Variants in DCC observed in about 807,000 individuals in gnomAD.
DCC encodes DCC netrin 1 receptor, also known as netrin receptor DCC.
A neutral mutation model predicts 172.5 loss-of-function variants in DCC; 58 were observed. The observed-to-expected ratio is 0.34, with a 90% CI of 0.27 to 0.42. The LOEUF (loss-of-function observed/expected upper bound fraction) is 0.42. Ranked by LOEUF, DCC falls within the 10% of genes least tolerant of loss-of-function variation. The probability of loss-of-function intolerance (pLI) is 1.00; values close to 1 mark genes in which losing one functional copy is unlikely to be tolerated. For synonymous variants in DCC, 709 were observed against 644.5 expected (o/e 1.10, Z -1.52); for missense variants, 1,740 against 1,791.0 (o/e 0.97, Z 0.51).
At chr18:52,544,321 A>G (rs150296332) in intron 1 of DCC, among the ~76,000 whole-genome samples, 1 of 152,298 alleles carries the variant, frequency 6.6e-6, no homozygotes, top group East Asian at 1.9e-4. Context: ...ACCTGGTGAT[A>G]ACTAAATTGA....
chr18:52,741,993 T>C (rs1265705084), intron 1 of DCC, among the ~76,000 whole-genome samples: 1 of 152,094 alleles, frequency 6.6e-6, no homozygotes, highest in African/African-American at 2.4e-5. Flanking sequence ...AGGATTACCT[T>C]TCCTATAAGA....
chr18:52,932,672 T>C (rs1322274757), intron 5 of DCC, among the ~76,000 whole-genome samples: 1 of 152,134 alleles, frequency 6.6e-6, no homozygotes, highest in East Asian at 1.9e-4. Context: ...GTTCTCTCTA[T>C]AGAGCTGAGC....
intron 17 of DCC, among the ~76,000 whole-genome samples, chr18:53,394,768 A>G (rs1410649379): frequency 6.6e-6 from 1 of 152,192 alleles, no homozygotes; most frequent in Non-Finnish European, 1.5e-5. Flanking sequence ...GCCAAACGCT[A>G]TGCTTTACTT....
intron 21 of DCC, 158 bp downstream of exon 21, chr18:53,416,314 C>A (rs1252491751): frequency 2.8e-6 from 2 of 715,824 alleles, no homozygotes; most frequent in Admixed American, 2.0e-5. Context: ...TTCTGCTTGG[C>A]TGAGGCTGCG....
intron 28 of DCC, among the ~76,000 whole-genome samples, chr18:53,528,029 T>A (rs2046478879): frequency 6.6e-6 from 1 of 152,124 alleles, no homozygotes; most frequent in African/African-American, 2.4e-5. Flanking sequence ...AATTTGCAAA[T>A]AATGTATTGA....
chr18:53,499,658 T>C, intron 27 of DCC, 148 bp downstream of exon 27: 3 of 759,198 alleles, frequency 4.0e-6, no homozygotes, highest in Non-Finnish European at 6.9e-6. Context: ...TTACTGATGC[T>C]TGTAGTGTAA....
chr18:52,602,457 A>G (rs1350960584), intron 1 of DCC, among the ~76,000 whole-genome samples: 1 of 146,846 alleles, frequency 6.8e-6, no homozygotes, highest in Non-Finnish European at 1.5e-5. Context: ...TTAAATGCTC[A>G]TTTTTCCCTC....
At chr18:53,269,593 T>A (rs1217664885) in intron 12 of DCC, among the ~76,000 whole-genome samples, 1 of 152,224 alleles carries the variant, frequency 6.6e-6, no homozygotes, top group Non-Finnish European at 1.5e-5. Flanking sequence ...AATCATTGTC[T>A]TTCAAGTACC....
intron 16 of DCC, among the ~76,000 whole-genome samples, chr18:53,389,377 A>T (rs146052121): frequency 1.7e-4 from 26 of 152,294 alleles, no homozygotes; most frequent in African/African-American, 5.8e-4. Context: ...TAATATATGC[A>T]ATATGTATTA....
At chr18:52,647,523 G>A (rs1301150911) in intron 1 of DCC, among the ~76,000 whole-genome samples, 3 of 152,162 alleles carry the variant, frequency 2.0e-5, no homozygotes, top group Non-Finnish European at 4.4e-5. Flanking sequence ...AATCCTTTGA[G>A]TAAGTCTGGA....
chr18:53,268,927 C>T (rs1311998391), intron 12 of DCC, among the ~76,000 whole-genome samples: 3 of 152,082 alleles, frequency 2.0e-5, no homozygotes, highest in Admixed American at 6.5e-5. Context: ...AAGGCAATTG[C>T]TTTTTATAGA....
chr18:52,916,843 T>C (rs944171851), intron 3 of DCC, among the ~76,000 whole-genome samples: 1 of 152,112 alleles, frequency 6.6e-6, no homozygotes, highest in African/African-American at 2.4e-5. Flanking sequence ...AACAGAACAA[T>C]GTCAATGCAG....
At chr18:52,778,350 T>A (rs1213182027) in intron 2 of DCC, among the ~76,000 whole-genome samples, 4 of 152,206 alleles carry the variant, frequency 2.6e-5, no homozygotes, top group Non-Finnish European at 5.9e-5. Flanking sequence ...TCTTGGGGTG[T>A]CTTTAATAAA....
At chr18:52,639,772 T>C (rs946467943) in intron 1 of DCC, among the ~76,000 whole-genome samples, 66 of 152,016 alleles carry the variant, frequency 4.3e-4, no homozygotes, top group Non-Finnish European at 1.5e-4. Flanking sequence ...CACACCAGAA[T>C]CCTACGAGAC....
chr18:52,838,144 G>A (rs2038743076), intron 2 of DCC, among the ~76,000 whole-genome samples: 1 of 151,834 alleles, frequency 6.6e-6, no homozygotes, highest in African/African-American at 2.4e-5. Flanking sequence ...ATATCACTCT[G>A]TTTATTAAAT....
chr18:53,065,075 C>T (rs534761775), intron 6 of DCC, among the ~76,000 whole-genome samples: 2 of 152,212 alleles, frequency 1.3e-5, no homozygotes, highest in South Asian at 4.1e-4. Context: ...TCAACAGCTC[C>T]AGAAATTTGA....
chr18:52,570,313 G>A (rs931218981), intron 1 of DCC, among the ~76,000 whole-genome samples: 9 of 152,106 alleles, frequency 5.9e-5, no homozygotes, highest in African/African-American at 2.2e-4. Flanking sequence ...GCCTTCTTAG[G>A]TGGAAGCAGA....
At chr18:52,362,631 A>G (rs894709211) in intron 1 of DCC, among the ~76,000 whole-genome samples, 1 of 152,106 alleles carries the variant, frequency 6.6e-6, no homozygotes, top group South Asian at 2.1e-4. Flanking sequence ...GTTTTGGGTT[A>G]TTAACTCCTG....
At chr18:52,626,923 G>A in intron 1 of DCC, among the ~76,000 whole-genome samples, 1 of 152,038 alleles carries the variant, frequency 6.6e-6, no homozygotes, top group Non-Finnish European at 1.5e-5. Flanking sequence ...ATCCATGGAG[G>A]GTTCCTTGGT....
Sources: allele counts gnomAD v4.1 joint callset (sites outside exome capture counted in the v4.1 genomes callset), GRCh38; gene constraint gnomAD v4.1.1; transcripts MANE v1.5; gene names NCBI Gene and HGNC (gene_info 2026-07-23, HGNC 2026-07-21).